Variants in GPATCH2L observed in about 807,000 individuals in gnomAD.
The protein encoded by GPATCH2L is G-patch domain containing 2 like, also known as G patch domain-containing protein 2-like.
In GPATCH2L, 31 loss-of-function variants were observed where a neutral mutation model predicts 57.4. That is an observed-to-expected ratio of 0.54 (90% CI 0.41 to 0.73). The LOEUF (loss-of-function observed/expected upper bound fraction) is 0.73. GPATCH2L is among the 30% of genes least tolerant of loss of function. GPATCH2L has a pLI of 0.00. For synonymous variants in GPATCH2L, 199 were observed against 210.7 expected (o/e 0.94, Z 0.48); for missense variants, 481 against 599.9 (o/e 0.80, Z 2.07).
At chr14:76,188,893 T>C (rs148059795) in intron 8 of GPATCH2L, among the ~76,000 whole-genome samples, 62 of 152,230 alleles carry the variant, frequency 4.1e-4, no homozygotes, top group African/African-American at 1.4e-3. Context: ...TGGTGAGAGA[T>C]AGGGGTCTAG....
chr14:76,235,168 CAAAAAAAA>C (rs34157061), intron 2 of GPATCH2L, among the ~76,000 whole-genome samples: 14 of 98,758 alleles, frequency 1.4e-4, no homozygotes, highest in Non-Finnish European at 2.2e-4. Context: ...AACTCTGTCT[CAAAAAAAA>C]AAAAAAAAGA....
intron 6 of GPATCH2L, among the ~76,000 whole-genome samples, chr14:76,177,608 A>G (rs1256627814): frequency 1.3e-5 from 2 of 151,540 alleles, no homozygotes; most frequent in African/African-American, 4.9e-5. Flanking sequence ...TGCACAGCTG[A>G]GAGATCATTG....
Position 76,176,604 on chromosome 14 carries a change from G to T in GPATCH2L, c.985-19G>T. On this transcript the variant is annotated intron_variant, in intron 5 of 9. Transcript: ENST00000261530. ...GTTTCTGTGGTTGGATGATACTCTTGTCTGCCTTTTCTTTTTAGGAGACCA... is the reference window on the plus strand; with the variant it reads ...GTTTCTGTGGTTGGATGATACTCTTTTCTGCCTTTTCTTTTTAGGAGACCA... 6.4e-7 allele frequency: 1 copy of T among 1,563,064 alleles called. No individual in the cohort carries two copies. The highest frequency in any genetic ancestry group is 1.4e-5 in the African/African-American group (1 of 74,062).
chr14:76,177,335 T>C (rs1391259778), intron 6 of GPATCH2L, among the ~76,000 whole-genome samples: 2 of 152,164 alleles, frequency 1.3e-5, no homozygotes, highest in Non-Finnish European at 2.9e-5. Context: ...TGTGAGCCGC[T>C]GCGCCCAACC....
At chr14:76,224,336 T>C (rs924704167) in intron 1 of GPATCH2L, among the ~76,000 whole-genome samples, 1 of 152,192 alleles carries the variant, frequency 6.6e-6, no homozygotes, top group African/African-American at 2.4e-5. Flanking sequence ...TTTGTGAATA[T>C]ACTAAAAACC....
chr14:76,155,144 G>A, intron 2 of GPATCH2L, 119 bp downstream of exon 2: 1 of 750,686 alleles, frequency 1.3e-6, no homozygotes, highest in Admixed American at 2.9e-5. Flanking sequence ...TGACTTTGAA[G>A]CCTTCCTTGA....
chr14:76,199,007 C>T (rs1594994000), intron 9 of GPATCH2L, among the ~76,000 whole-genome samples: 1 of 151,990 alleles, frequency 6.6e-6, no homozygotes, highest in African/African-American at 2.4e-5. Context: ...TTCTTATTGC[C>T]CACTGTGTCT....
chr14:76,177,338 G>A (rs980622089), intron 6 of GPATCH2L, among the ~76,000 whole-genome samples: 5 of 152,092 alleles, frequency 3.3e-5, no homozygotes, highest in African/African-American at 7.2e-5. Flanking sequence ...GAGCCGCTGC[G>A]CCCAACCTGT....
intron 9 of GPATCH2L, among the ~76,000 whole-genome samples, chr14:76,198,199 C>G (rs925058236): frequency 2.6e-5 from 4 of 152,128 alleles, no homozygotes; most frequent in African/African-American, 9.7e-5. Flanking sequence ...ATGCAGGTGT[C>G]TAGTGCACAG....
chr14:76,154,955 G>A lies in GPATCH2L; in HGVS notation c.592G>A (p.Gly198Arg), dbSNP rs1025455323. ...AAATAGGACTTTCCTAAGCAAAACA[G>A]GAAGGAAAGAAAGGATGGAGTGTGA... ...AENRTFLSKT[G>R]RKERMECETD... Residue 198 changes from glycine (G) to arginine (R), a missense_variant, in exon 2 of 10, where the codon GGA becomes AGA. Gly to Arg is a moderately radical substitution (Grantham distance 125). Around this residue, in one of 3 missense-constraint regions of GPATCH2L, gnomAD observed 208 missense variants for 272.4 expected, o/e 0.76. Coordinates refer to ENST00000261530, the MANE Select transcript of GPATCH2L (RefSeq NM_017926.4). This position sits in a 1 kb window ranked among gnomAD's most constrained non-coding sequence, Gnocchi z 4.4. 1.2e-6 allele frequency: 2 copies of A among 1,613,886 alleles called. No individual in the cohort carries two copies. Among genetic ancestry groups the A allele is most frequent in the African/African-American group, 2.7e-5 (2 of 74,920 alleles).
At chr14:76,156,535 G>T (rs1278727455) in intron 2 of GPATCH2L, among the ~76,000 whole-genome samples, 1 of 152,176 alleles carries the variant, frequency 6.6e-6, no homozygotes, top group African/African-American at 2.4e-5. Flanking sequence ...GATTATAAAG[G>T]TATTTTTCCC....
intron 8 of GPATCH2L, among the ~76,000 whole-genome samples, chr14:76,186,316 T>C (rs1480504611): frequency 6.6e-6 from 1 of 152,160 alleles, no homozygotes; most frequent in Admixed American, 6.5e-5. Context: ...CTGAGCTCAT[T>C]TGTAATTCAT....
chr14:76,200,179 G>C (rs1043160353), intron 9 of GPATCH2L, among the ~76,000 whole-genome samples: 3 of 152,104 alleles, frequency 2.0e-5, no homozygotes, highest in Non-Finnish European at 4.4e-5. Flanking sequence ...AGAGGGAAAT[G>C]GGGGGAGTTA....
rs901826066 is a variant in GPATCH2L, at chr14:76,202,292, A to G, written c.*441A>G. The G allele has an allele frequency of 6.5e-6, 1 of 153,866 alleles. No individual in the cohort carries two copies. The highest frequency in any genetic ancestry group is 1.4e-5 in the Non-Finnish European group (1 of 68,998). 9.5% of individuals were successfully genotyped at this position (153,866 alleles called of 1,614,324 possible). A position where few individuals can be genotyped will look rare whatever the true frequency, so the allele number is the denominator to read the frequency against. On this transcript the variant is annotated 3_prime_UTR_variant, in exon 10 of 10. Coordinates refer to ENST00000261530, the MANE Select transcript of GPATCH2L (RefSeq NM_017926.4). The stretch of plus-strand genomic sequence containing the variant: ...ATTTAAATATTGAGTTGAGACCTGT[A>G]TGGAATTGTGTTCGCAGGAGATAAG...
At chr14:76,220,949 G>A (rs182153482) in intron 1 of GPATCH2L, among the ~76,000 whole-genome samples, 28 of 151,798 alleles carry the variant, frequency 1.8e-4, no homozygotes, top group Admixed American at 3.9e-4. Context: ...GTCTAAGTAC[G>A]CATCTCAAAA....
intron 1 of GPATCH2L, among the ~76,000 whole-genome samples, chr14:76,222,670 A>G (rs1016936659): frequency 3.3e-5 from 5 of 151,746 alleles, no homozygotes; most frequent in Non-Finnish European, 5.9e-5. Context: ...AAGAAGTTGA[A>G]TCTGGGCTGG....
rs1157117268 is a variant in GPATCH2L at position 76,201,882 on chromosome 14, T to C, written c.*31T>C. Reference sequence around the variant, plus strand: ...AGGACTTCACCCTCCAGGAGCTGACTGGGTGTTGCTGAAGCAAATGTTGGA... The same window carrying C: ...AGGACTTCACCCTCCAGGAGCTGACCGGGTGTTGCTGAAGCAAATGTTGGA... On this transcript the variant is annotated 3_prime_UTR_variant, in exon 10 of 10. Coordinates refer to ENST00000261530, the MANE Select transcript of GPATCH2L (RefSeq NM_017926.4). 1.2e-5 allele frequency: 19 copies of C among 1,591,002 alleles called. No individual in the cohort carries two copies. The highest frequency in any genetic ancestry group is 1.6e-5 in the Non-Finnish European group (19 of 1,166,074).
rs2040358532 is a variant in GPATCH2L, at chr14:76,205,014, G to C, written c.*3163G>C. On this transcript the variant is annotated 3_prime_UTR_variant, in exon 10 of 10. Transcript: ENST00000261530. ...AGACAGGTTCTTGATCTGTCACTCA[G>C]GTTAGAGTGCAGTGATGTGTTCATA... is the stretch of plus-strand genomic sequence containing the variant. 1 of 152,134 alleles carries C rather than the reference G, an allele frequency of 6.6e-6. No homozygotes were observed. The highest frequency in any genetic ancestry group is 1.9e-4 in the East Asian group (1 of 5,202). 9.4% of individuals were successfully genotyped at this position (152,134 alleles called of 1,614,324 possible).
intron 2 of GPATCH2L, among the ~76,000 whole-genome samples, chr14:76,235,162 C>T (rs113987821): frequency 1.5e-5 from 2 of 131,920 alleles, no homozygotes; most frequent in East Asian, 2.1e-4. Flanking sequence ...GAGCGAAACT[C>T]TGTCTCAAAA....
Sources: gnomAD v4.1 joint callset for allele counts (sites outside exome capture counted in the v4.1 genomes callset) on GRCh38, gnomAD v4.1.1 for gene constraint, gnomAD v4.1.1 regional missense constraint, Gnocchi (gnomAD v3.1) non-coding constraint, MANE v1.5 for transcripts, NCBI Gene and HGNC (gene_info 2026-07-23, HGNC 2026-07-21) for gene names.